Variants in CADPS2 observed in about 807,000 individuals in gnomAD.
CADPS2 encodes calcium-dependent secretion activator 2.
A neutral mutation model predicts 172.5 loss-of-function variants in CADPS2; 93 were observed. That is an observed-to-expected ratio of 0.54 (90% CI 0.46 to 0.64). The LOEUF is 0.64. Ranked by LOEUF, CADPS2 falls within the 30% of genes least tolerant of loss-of-function variation. CADPS2 has a pLI of 0.00. For missense variants in CADPS2, 1,420 were observed against 1,565.9 expected, an observed-to-expected ratio of 0.91 and a Z score of 1.57; for synonymous variants, 546 against 555.2, an observed-to-expected ratio of 0.98 and a Z score of 0.23.
chr7:122,786,760 T>G (rs974262839), intron 1 of CADPS2, among the ~76,000 whole-genome samples: 1 of 152,154 alleles, frequency 6.6e-6, no homozygotes, highest in Non-Finnish European at 1.5e-5. Context: ...ATCCCCATTT[T>G]TTTTTCTATA....
intron 25 of CADPS2, among the ~76,000 whole-genome samples, chr7:122,370,574 A>G (rs1164530825): frequency 6.6e-6 from 1 of 152,180 alleles, no homozygotes; most frequent in African/African-American, 2.4e-5. Context: ...TAATAGATAA[A>G]GAGGATTCAG....
Position 122,876,275 on chromosome 7 carries a change from G to A in CADPS2, c.339+9724C>T, listed in dbSNP as rs964768314. Reference sequence around the variant, plus strand: ...GCAGAGGTTGCAGTGGGTCAGGATCGTGTCACTGCACTGCAGCCTGGGCCA... The same window carrying A: ...GCAGAGGTTGCAGTGGGTCAGGATCATGTCACTGCACTGCAGCCTGGGCCA... On this transcript the variant is annotated intron_variant, in intron 1 of 29. Transcript: ENST00000449022. Among the ~76,000 whole-genome samples, 7 of 152,300 alleles carry A rather than the reference G, an allele frequency of 4.6e-5. No homozygotes were observed. The East Asian group carries it at 7.7e-4, about 17-fold the overall frequency.
At chr7:122,449,223 G>T (rs991856375) in intron 15 of CADPS2, among the ~76,000 whole-genome samples, 1 of 151,962 alleles carries the variant, frequency 6.6e-6, no homozygotes, top group Non-Finnish European at 1.5e-5. Flanking sequence ...GGGTCTCAAC[G>T]GTAGCAAAAA....
Position 122,645,318 on chromosome 7 carries a change from T to C in CADPS2, c.787-15990A>G, listed in dbSNP as rs148547763. On this transcript the variant is annotated intron_variant, in intron 3 of 29. Coordinates refer to ENST00000449022, the MANE Select transcript of CADPS2 (RefSeq NM_017954.11). ...ATATACACATATGTACATGTGTGTA[T>C]ACATGTACATATATACACACATGTA... Among the ~76,000 whole-genome samples the C allele has an allele frequency of 8.1e-3, 980 of 121,380 alleles. 29 individuals are homozygous for C. Among genetic ancestry groups the C allele is most frequent in the African/African-American group, 0.027 (942 of 35,328 alleles). The allele number at this position is 121,380 out of a possible 152,430, so 79.6% of individuals were successfully genotyped here. A position where few individuals can be genotyped will look rare whatever the true frequency, so the allele number is the denominator to read the frequency against.
At chr7:122,837,164 G>C (rs1204846457) in intron 1 of CADPS2, among the ~76,000 whole-genome samples, 1 of 152,150 alleles carries the variant, frequency 6.6e-6, no homozygotes, top group Non-Finnish European at 1.5e-5. Flanking sequence ...TGAACAACCT[G>C]CTCCTGAATG....
At position 122,545,580 on chromosome 7, in the gene CADPS2, A is replaced by C. The variant is rs563366274; in HGVS notation, c.1475+8970T>G. 2.0e-5 allele frequency among the ~76,000 whole-genome samples: 3 copies of C among 152,234 alleles called. No homozygotes were observed. In the South Asian group the frequency reaches 6.2e-4, roughly 32 times the overall value. On this transcript the variant is annotated intron_variant, in intron 8 of 29. Coordinates refer to ENST00000449022, the MANE Select transcript of CADPS2 (RefSeq NM_017954.11). ...TTAGTAGAGATATAATTGTATTCCT[A>C]AATTCCTAAATGGTGTGGAAAATGG...
chr7:122,418,787 G>C (rs2048229890), intron 17 of CADPS2, among the ~76,000 whole-genome samples: 1 of 152,082 alleles, frequency 6.6e-6, no homozygotes, highest in Non-Finnish European at 1.5e-5. Context: ...GATAAAGTTA[G>C]GTAATGGGTC....
chr7:122,732,334 A>C (rs963150726), intron 2 of CADPS2, among the ~76,000 whole-genome samples: 2 of 151,020 alleles, frequency 1.3e-5, no homozygotes, highest in Admixed American at 6.6e-5. Flanking sequence ...CAGACAGAAA[A>C]CTTTTTTTTT....
intron 1 of CADPS2, among the ~76,000 whole-genome samples, chr7:122,853,561 T>C (rs1036613991): frequency 6.6e-6 from 1 of 152,220 alleles, no homozygotes; most frequent in Admixed American, 6.5e-5. Context: ...AATACCTTTG[T>C]AATTAGCTCC....
chr7:122,835,596 G>C (rs1027464522), intron 1 of CADPS2, among the ~76,000 whole-genome samples: 6 of 152,174 alleles, frequency 3.9e-5, no homozygotes, highest in Non-Finnish European at 8.8e-5. Context: ...TAAATGACCT[G>C]ATGGAACTGA....
At chr7:122,670,399 G>A (rs1308261095) in intron 2 of CADPS2, among the ~76,000 whole-genome samples, 5 of 151,786 alleles carry the variant, frequency 3.3e-5, no homozygotes, top group Non-Finnish European at 7.4e-5. Flanking sequence ...GCAAAACCCT[G>A]TCTCTACAAT....
At chr7:122,679,667 G>A (rs2082810170) in intron 2 of CADPS2, among the ~76,000 whole-genome samples, 2 of 152,092 alleles carry the variant, frequency 1.3e-5, no homozygotes, top group South Asian at 4.1e-4. Context: ...ACGGCTCAGG[G>A]GGCATCACGG....
intron 6 of CADPS2, among the ~76,000 whole-genome samples, chr7:122,604,242 A>G (rs1277468893): frequency 6.6e-6 from 1 of 152,108 alleles, no homozygotes; most frequent in Non-Finnish European, 1.5e-5. Context: ...GCCTTTCCTA[A>G]CTTATGTATA....
At chr7:122,647,193 G>C (rs574385091) in intron 3 of CADPS2, among the ~76,000 whole-genome samples, 2 of 150,776 alleles carry the variant, frequency 1.3e-5, no homozygotes, top group South Asian at 4.2e-4. Context: ...TAAGCGCAGT[G>C]AACTTGTTCT....
intron 6 of CADPS2, among the ~76,000 whole-genome samples, chr7:122,597,698 T>A (rs2072062567): frequency 6.6e-6 from 1 of 152,120 alleles, no homozygotes; most frequent in South Asian, 2.1e-4. Flanking sequence ...AAATGCTGCT[T>A]AGAGGTTAGA....
intron 3 of CADPS2, 108 bp downstream of exon 3, chr7:122,663,129 C>T (rs190351333): frequency 1.1e-4 from 94 of 845,346 alleles, no homozygotes; most frequent in South Asian, 4.8e-4. Context: ...CTCAACTTTC[C>T]AAGTAAAGTG....
intron 11 of CADPS2, among the ~76,000 whole-genome samples, chr7:122,485,506 A>C (rs1317082815): frequency 6.6e-6 from 1 of 152,224 alleles, no homozygotes; most frequent in Non-Finnish European, 1.5e-5. Context: ...CCTTTCTTCG[A>C]TTCTATGACA....
At chr7:122,483,200 A>T (rs1002880516) in intron 11 of CADPS2, among the ~76,000 whole-genome samples, 1 of 152,202 alleles carries the variant, frequency 6.6e-6, no homozygotes, top group Non-Finnish European at 1.5e-5. Context: ...ACCAAGGCAC[A>T]TCATAATCAA....
chr7:122,658,575 G>C (rs564780615), intron 3 of CADPS2, among the ~76,000 whole-genome samples: 2 of 152,324 alleles, frequency 1.3e-5, no homozygotes, highest in African/African-American at 4.8e-5. Flanking sequence ...ATGAGTTAAT[G>C]TCCTTTGTAG....
Sources: allele counts gnomAD v4.1 joint callset (sites outside exome capture counted in the v4.1 genomes callset), GRCh38; gene constraint gnomAD v4.1.1; transcripts MANE v1.5; gene names NCBI Gene and HGNC (gene_info 2026-07-23, HGNC 2026-07-21).